The following RNASEH2B variants were observed in gnomAD, a reference collection of about 807,000 sequenced individuals.
RNASEH2B encodes Aicardi-Goutieres syndrome 2 protein.
RNASEH2B carries 36 observed loss-of-function variants against 45.0 expected under a neutral mutation model. The observed-to-expected ratio is 0.80, with a 90% CI of 0.61 to 1.06. RNASEH2B has a LOEUF of 1.06. RNASEH2B is among the 50% of genes least tolerant of loss of function. The pLI, the probability that RNASEH2B is intolerant of heterozygous loss-of-function variation, is 0.00. For missense variants in RNASEH2B, 361 were observed against 360.3 expected, an observed-to-expected ratio of 1.00 and a Z score of -0.02; for synonymous variants, 119 against 125.7, an observed-to-expected ratio of 0.95 and a Z score of 0.35.
intron 1 of RNASEH2B, among the ~76,000 whole-genome samples, chr13:50,919,553 T>C (rs972105873): frequency 6.6e-6 from 1 of 152,180 alleles, no homozygotes; most frequent in Non-Finnish European, 1.5e-5. Flanking sequence ...TTTTTGAGGA[T>C]GAGGAGGACA....
At chr13:50,911,139 A>T (rs1236977377) in intron 1 of RNASEH2B, 1 of 152,188 alleles carries the variant, frequency 6.6e-6, no homozygotes, top group African/African-American at 2.4e-5. Flanking sequence ...CCAGTTCAAG[A>T]TGTAGACTGT....
chr13:50,928,018 T>G (rs1951623019), intron 2 of RNASEH2B, among the ~76,000 whole-genome samples: 1 of 152,038 alleles, frequency 6.6e-6, no homozygotes, highest in Non-Finnish European at 1.5e-5. Context: ...ATAAGCATTG[T>G]TTATTGAAGG....
At chr13:50,963,987 C>G (rs1952139840) in intron 9 of RNASEH2B, among the ~76,000 whole-genome samples, 1 of 152,164 alleles carries the variant, frequency 6.6e-6, no homozygotes, top group Admixed American at 6.5e-5. Flanking sequence ...CACCTGAGGT[C>G]AGGAGTTTGA....
chr13:50,947,355 TGTTTAA>T (rs564748235), intron 7 of RNASEH2B, among the ~76,000 whole-genome samples: 272 of 151,454 alleles, frequency 1.8e-3, no homozygotes, highest in African/African-American at 4.9e-3. Flanking sequence ...CTGAGTTAGT[TGTTTAA>T]GTTTAAGTAT....
At chr13:50,935,121 T>C (rs1951731133) in intron 5 of RNASEH2B, 122 bp downstream of exon 5, 1 of 717,776 alleles carries the variant, frequency 1.4e-6, no homozygotes, top group South Asian at 1.5e-5. Context: ...AAAACTATCA[T>C]TCAGATTTGC....
At chr13:50,917,453 C>T (rs1308919931) in intron 1 of RNASEH2B, among the ~76,000 whole-genome samples, 3 of 152,174 alleles carry the variant, frequency 2.0e-5, no homozygotes, top group Admixed American at 2.0e-4. Flanking sequence ...TTGTACTTGC[C>T]TTCATTTAGT....
At chr13:50,918,514 A>G (rs895528889) in intron 1 of RNASEH2B, among the ~76,000 whole-genome samples, 2 of 152,008 alleles carry the variant, frequency 1.3e-5, no homozygotes, top group Non-Finnish European at 2.9e-5. Context: ...TAATCACATA[A>G]TTTTCCTGGT....
rs1593440011 is a variant in RNASEH2B, at chr13:50,910,175, A to C, written c.64+35A>C. The stretch of plus-strand genomic sequence containing the variant: ...CGCGCCCGGGCGGCGGGGTCGGCCC[A>C]AGAACTGGCGGAGCGGCCCGCGACC... On this transcript the variant is annotated intron_variant, in intron 1 of 10. Transcript: ENST00000336617. The C allele has an allele frequency of 2.9e-6, 4 of 1,395,776 alleles. No homozygotes were observed. The African/African-American group carries it at 4.5e-5, about 16-fold the overall frequency. The allele number at this position is 1,395,776 out of a possible 1,614,324, so 86.5% of individuals were successfully genotyped here.
chr13:50,939,356 C>CAAAAAAAAAG (rs71190394), intron 5 of RNASEH2B, among the ~76,000 whole-genome samples: 10 of 145,644 alleles, frequency 6.9e-5, no homozygotes, highest in Non-Finnish European at 1.1e-4. Flanking sequence ...GACTCTGTTT[C>CAAAAAAAAAG]AAAAGAAAAA....
At position 50,945,539 on chromosome 13, in the gene RNASEH2B, A is replaced by G; in HGVS notation, c.616+7A>G. 1 of 1,591,316 alleles carries G rather than the reference A, an allele frequency of 6.3e-7. No individual in the cohort carries two copies. Among genetic ancestry groups the G allele is most frequent in the South Asian group, 1.1e-5 (1 of 90,618 alleles). On this transcript the variant is annotated splice_region_variant and intron_variant, in intron 7 of 10. Transcript: ENST00000336617. ...GCTTCCACTGACAAGGAAGGTAAGT[A>G]AAGCATTTTATCAGAAAAGATTTTT...
At chr13:50,960,296 TA>T (rs1466979599), downstream of RNASEH2B, 1 of 360,938 alleles carries the variant, frequency 2.8e-6, no homozygotes, top group African/African-American at 2.1e-5. Context: ...ATTTAGTTTT[TA>T]AAAATTGCAT....
At chr13:50,930,582 A>G (rs1227645143) in intron 3 of RNASEH2B, 101 bp from the exon 4 acceptor site, 2 of 872,644 alleles carry the variant, frequency 2.3e-6, no homozygotes, top group East Asian at 4.8e-5. Flanking sequence ...GGAATTTCAC[A>G]TATATTTTTC....
intron 9 of RNASEH2B, among the ~76,000 whole-genome samples, chr13:50,968,342 G>A (rs148732360): frequency 3.2e-4 from 49 of 152,330 alleles, no homozygotes; most frequent in African/African-American, 1.1e-3. Context: ...CAAGGTTACA[G>A]TGGACTATGA....
chr13:50,955,815 T>G (rs1047931983), intron 10 of RNASEH2B: 1 of 156,328 alleles, frequency 6.4e-6, no homozygotes, highest in African/African-American at 2.4e-5. Flanking sequence ...GCAGAATTAT[T>G]TGGAGTCAGC....
At chr13:50,954,009 T>G in intron 10 of RNASEH2B, 24 bp downstream of exon 10, 1 of 1,435,872 alleles carries the variant, frequency 7.0e-7, no homozygotes, top group Non-Finnish European at 9.8e-7. Flanking sequence ...GGTGTAGTGG[T>G]GTTTCGTTCA....
intron 9 of RNASEH2B, among the ~76,000 whole-genome samples, chr13:50,967,632 C>T (rs975880184): frequency 4.6e-5 from 7 of 152,184 alleles, no homozygotes; most frequent in Admixed American, 4.6e-4. Context: ...CATCAAATTC[C>T]CTTTCCCCAG....
intron 2 of RNASEH2B, among the ~76,000 whole-genome samples, chr13:50,929,051 T>C (rs781361661): frequency 6.6e-6 from 1 of 151,202 alleles, no homozygotes; most frequent in Non-Finnish European, 1.5e-5. Context: ...TCACTTAGGG[T>C]TGGCCTGTGG....
intron 1 of RNASEH2B, among the ~76,000 whole-genome samples, chr13:50,918,923 G>C (rs1238039505): frequency 6.6e-6 from 1 of 151,984 alleles, no homozygotes; most frequent in Non-Finnish European, 1.5e-5. Context: ...TTTTCTATTG[G>C]ATCTTCTTAA....
At chr13:50,919,552 A>T (rs890281764) in intron 1 of RNASEH2B, among the ~76,000 whole-genome samples, 9 of 152,112 alleles carry the variant, frequency 5.9e-5, no homozygotes, top group Non-Finnish European at 1.2e-4. Flanking sequence ...GTTTTTGAGG[A>T]TGAGGAGGAC....
Sources: allele counts gnomAD v4.1 joint callset (sites outside exome capture counted in the v4.1 genomes callset), GRCh38; gene constraint gnomAD v4.1.1; transcripts MANE v1.5; gene names NCBI Gene and HGNC (gene_info 2026-07-23, HGNC 2026-07-21).